Variants in MYL4 observed in about 807,000 individuals in gnomAD.
The protein encoded by MYL4 is atrial myosin light chain 1.
In MYL4, 16 loss-of-function variants were observed where a neutral mutation model predicts 21.6. The ratio of observed to expected loss-of-function variants is 0.74; its 90% CI spans 0.50 to 1.12. MYL4 has a LOEUF of 1.12. Among genes scored for constraint, MYL4 ranks in the 50% most tolerant of loss-of-function variants. The probability of loss-of-function intolerance (pLI) is 0.00; values close to 1 mark genes in which losing one functional copy is unlikely to be tolerated. For missense variants in MYL4, 249 were observed against 252.9 expected (o/e 0.98, Z 0.11); for synonymous variants, 82 against 95.7 (o/e 0.86, Z 0.83).
intron 1 of MYL4, chr17:47,209,835 A>G (rs996236418): frequency 3.6e-6 from 2 of 549,332 alleles, no homozygotes; most frequent in African/African-American, 3.8e-5. Context: ...GGGGGGAGGT[A>G]CAACCAACCA....
upstream of MYL4, among the ~76,000 whole-genome samples, chr17:47,206,438 CTTG>C (rs1205282731): frequency 1.3e-5 from 2 of 152,092 alleles, no homozygotes; most frequent in Non-Finnish European, 2.9e-5. Flanking sequence ...ATAATACTAA[CTTG>C]TTGTGTGTGC....
intron 2 of MYL4, among the ~76,000 whole-genome samples, chr17:47,217,708 T>C (rs1160725933): frequency 6.6e-6 from 1 of 152,176 alleles, no homozygotes; most frequent in Non-Finnish European, 1.5e-5. Flanking sequence ...TATATTTACA[T>C]ACATTATTAT....
At chr17:47,196,425 T>C (rs1037361523), upstream of MYL4, among the ~76,000 whole-genome samples, 9 of 152,350 alleles carry the variant, frequency 5.9e-5, no homozygotes, top group African/African-American at 1.7e-4. Flanking sequence ...GGTAGACTTA[T>C]ATAATTGATT....
chr17:47,222,915 C>A, intron 5 of MYL4, 99 bp from the exon 6 acceptor site: 1 of 1,420,110 alleles, frequency 7.0e-7, no homozygotes, highest in Non-Finnish European at 9.9e-7. Flanking sequence ...GAAAGGGGAG[C>A]AGGAGGGTTA....
rs2082091911 is a variant in MYL4, at chr17:47,213,821, T to C, written c.158T>C (p.Ile53Thr). ...SVKIDFTADQ[I>T]EEFKEAFSLF... Reference sequence around the variant, plus strand: ...CAGATAGACTTCACTGCCGACCAGATTGAAGGTGAGTATGGACAACCCCAC... The same window carrying C: ...CAGATAGACTTCACTGCCGACCAGACTGAAGGTGAGTATGGACAACCCCAC... The change falls in exon 2 of 7, where the codon ATT (isoleucine) becomes ACT (threonine). Residue 53 changes from isoleucine to threonine, a missense_variant. Physicochemically the swap from Ile to Thr is moderately conservative, Grantham distance 89. Transcript: ENST00000393450. The C allele has an allele frequency of 2.5e-6, 4 of 1,614,120 alleles. No homozygotes were observed. The highest frequency in any genetic ancestry group is 2.2e-5 in the East Asian group (1 of 44,876).
At chr17:47,203,151 A>G (rs1235367099) in intron 1 of MYL4, among the ~76,000 whole-genome samples, 1 of 152,126 alleles carries the variant, frequency 6.6e-6, no homozygotes, top group Non-Finnish European at 1.5e-5. Context: ...GGGTTTCACC[A>G]TGTTGGCCAG....
At chr17:47,210,325 C>T (rs944996737) in intron 1 of MYL4, among the ~76,000 whole-genome samples, 2 of 152,178 alleles carry the variant, frequency 1.3e-5, no homozygotes, top group East Asian at 1.9e-4. Context: ...CATGCTGACT[C>T]AGTCATTTTA....
upstream of MYL4, among the ~76,000 whole-genome samples, chr17:47,198,044 A>G (rs1206104542): frequency 6.6e-6 from 1 of 152,148 alleles, no homozygotes; most frequent in Non-Finnish European, 1.5e-5. Context: ...ACCTCATGAG[A>G]CCAGAATTTG....
chr17:47,206,337 G>T (rs2064728289), upstream of MYL4, among the ~76,000 whole-genome samples: 1 of 151,790 alleles, frequency 6.6e-6, no homozygotes, highest in Admixed American at 6.6e-5. Flanking sequence ...GTGGGGTGGG[G>T]GAAAAAAGGA....
At chr17:47,190,066 C>G in the MYL4 span, among the ~76,000 whole-genome samples, 1 of 152,112 alleles carries the variant, frequency 6.6e-6, no homozygotes, top group Non-Finnish European at 1.5e-5. Flanking sequence ...TGGGATCAGT[C>G]TGCTAAGAAG....
chr17:47,223,272 C>T (rs2064870182), intron 6 of MYL4: 2 of 554,234 alleles, frequency 3.6e-6, no homozygotes, highest in Admixed American at 3.2e-5. Flanking sequence ...GTCACATCCT[C>T]TTGCCTCTCC....
chr17:47,195,873 C>T (rs1246707536), upstream of MYL4, among the ~76,000 whole-genome samples: 1 of 152,196 alleles, frequency 6.6e-6, no homozygotes, highest in African/African-American at 2.4e-5. Context: ...TTGTCTACTT[C>T]TGGTCTAGTC....
At chr17:47,214,806 T>C (rs1405190622) in intron 2 of MYL4, among the ~76,000 whole-genome samples, 1 of 152,240 alleles carries the variant, frequency 6.6e-6, no homozygotes, top group Non-Finnish European at 1.5e-5. Flanking sequence ...TGATACACAC[T>C]GTCCACCTTT....
chr17:47,209,280 C>A, upstream of MYL4: 2 of 1,082,250 alleles, frequency 1.8e-6, no homozygotes, highest in Non-Finnish European at 1.4e-6. Flanking sequence ...GTTGCTCTTG[C>A]TTTCACCCAG....
At chr17:47,209,690 C>T in intron 1 of MYL4, 133 bp downstream of exon 1, 1 of 1,357,670 alleles carries the variant, frequency 7.4e-7, no homozygotes, top group South Asian at 1.2e-5. Context: ...AGATCGCAGT[C>T]CCATGGGGCA....
chr17:47,221,567 C>A, intron 3 of MYL4, 115 bp from the exon 4 acceptor site: 1 of 1,218,214 alleles, frequency 8.2e-7, no homozygotes, highest in Non-Finnish European at 1.1e-6. Flanking sequence ...CCAGAATTGG[C>A]TGCAGCCCAA....
chr17:47,194,238 A>G, the MYL4 span, among the ~76,000 whole-genome samples: 31 of 152,320 alleles, frequency 2.0e-4, no homozygotes, highest in Middle Eastern at 3.4e-3. Context: ...TTCCTATCCC[A>G]GTTTAAGATA....
chr17:47,225,855 C>CTTTTTTTTTTTTTTT (rs60342000), downstream of MYL4, among the ~76,000 whole-genome samples: 1 of 113,300 alleles, frequency 8.8e-6, no homozygotes, highest in Non-Finnish European at 1.8e-5. Flanking sequence ...TCCTTCCCTT[C>CTTTTTTTTTTTTTTT]TTTTTTTTTT....
At chr17:47,220,509 G>A (rs1237011887) in intron 3 of MYL4, among the ~76,000 whole-genome samples, 5 of 152,228 alleles carry the variant, frequency 3.3e-5, no homozygotes, top group South Asian at 2.1e-4. Context: ...TTTGCAAATT[G>A]TTTGGTATAA....
Sources: allele counts gnomAD v4.1 joint callset (sites outside exome capture counted in the v4.1 genomes callset), GRCh38; gene constraint gnomAD v4.1.1; transcripts MANE v1.5; gene names NCBI Gene and HGNC (gene_info 2026-07-23, HGNC 2026-07-21).